The following ADAMTS20 variants were observed in gnomAD, a reference collection of about 807,000 sequenced individuals.
ADAMTS20 encodes the protein A disintegrin and metalloproteinase with thrombospondin motifs 20.
ADAMTS20 carries 225 observed loss-of-function variants against 260.1 expected under a neutral mutation model. That is an observed-to-expected ratio of 0.87 (90% confidence interval 0.78 to 0.97). ADAMTS20 has a LOEUF of 0.97. Among genes scored for constraint, ADAMTS20 ranks in the 50% least tolerant of loss-of-function variants. ADAMTS20 has a pLI of 0.00. For missense variants in ADAMTS20, 2,400 were observed against 2,337.7 expected (o/e 1.03, Z -0.55); for synonymous variants, 802 against 769.5 (o/e 1.04, Z -0.70).
intron 3 of ADAMTS20, among the ~76,000 whole-genome samples, chr12:43,502,707 C>G (rs1161451315): frequency 6.6e-6 from 1 of 151,864 alleles, no homozygotes; most frequent in African/African-American, 2.4e-5. Flanking sequence ...TATTAACTAC[C>G]AAGTAGAAAA....
At chr12:43,532,461 A>C (rs548612265) in intron 2 of ADAMTS20, among the ~76,000 whole-genome samples, 2 of 152,282 alleles carry the variant, frequency 1.3e-5, no homozygotes, top group East Asian at 3.9e-4. Context: ...GCATAGATAA[A>C]AGCATCAAAA....
At chr12:43,440,388 A>T (rs1035251534) in intron 16 of ADAMTS20, among the ~76,000 whole-genome samples, 2 of 152,150 alleles carry the variant, frequency 1.3e-5, no homozygotes, top group South Asian at 4.1e-4. Context: ...ACCTCAGGCA[A>T]TCTGCCCGCT....
At position 43,514,981 on chromosome 12, in the gene ADAMTS20, T is replaced by G. The variant is rs1385285850; in HGVS notation, c.614-12576A>C. 3.3e-5 allele frequency among the ~76,000 whole-genome samples: 5 copies of G among 152,330 alleles called. No individual in the cohort carries two copies. The East Asian group carries it at 9.6e-4, about 29-fold the overall frequency. On this transcript the variant is annotated intron_variant, in intron 3 of 38. Transcript: ENST00000389420. ...AATACATGATTCTACTACATTAATC[T>G]TATCTTCCTATTTTCAGATGAGCCT...
intron 4 of ADAMTS20, among the ~76,000 whole-genome samples, chr12:43,497,492 A>C (rs914787466): frequency 2.0e-5 from 3 of 152,200 alleles, no homozygotes; most frequent in Non-Finnish European, 2.9e-5. Context: ...ACTTCTTTGG[A>C]AAGATCTTTT....
chr12:43,516,246 T>C (rs1246598728), intron 3 of ADAMTS20, among the ~76,000 whole-genome samples: 1 of 151,514 alleles, frequency 6.6e-6, no homozygotes, highest in African/African-American at 2.4e-5. Context: ...ATCCTCCTTT[T>C]GCAGTTTTCC....
At chr12:43,445,410 T>C (rs1252839260) in intron 15 of ADAMTS20, among the ~76,000 whole-genome samples, 1 of 152,140 alleles carries the variant, frequency 6.6e-6, no homozygotes, top group African/African-American at 2.4e-5. Flanking sequence ...TAACCGAGAT[T>C]TGTAAATATC....
chr12:43,446,797 T>C, intron 14 of ADAMTS20, 85 bp from the exon 15 acceptor site: 3 of 1,116,694 alleles, frequency 2.7e-6, no homozygotes, highest in Non-Finnish European at 4.0e-6. Context: ...CAATCAGATA[T>C]GACAAAGGGG....
chr12:43,361,185 C>A (rs1939859655), intron 37 of ADAMTS20, among the ~76,000 whole-genome samples: 1 of 152,168 alleles, frequency 6.6e-6, no homozygotes, highest in African/African-American at 2.4e-5. Flanking sequence ...CTGTCACATG[C>A]AAACACAGAG....
intron 29 of ADAMTS20, among the ~76,000 whole-genome samples, chr12:43,392,200 C>T (rs1940610208): frequency 6.6e-6 from 1 of 152,006 alleles, no homozygotes; most frequent in Admixed American, 6.6e-5. Context: ...AAATGAATCT[C>T]TTATGAAAAT....
Position 43,431,434 on chromosome 12 carries a change from A to G in ADAMTS20, c.3159T>C (p.Asp1053=). The change falls in exon 22 of 39, where the codon GAT becomes GAC. Residue 1053 remains aspartate (D), a synonymous_variant. Coordinates refer to ENST00000389420, the MANE Select transcript of ADAMTS20 (RefSeq NM_025003.5). ...QRQVWCQLNV[D]HLSDGFCNSS... ...AATTACAGAAGCCATCACTCAAGTG[A>G]TCTACATTCAGCTGACACCATACCT... 3 of 1,613,980 alleles carry G rather than the reference A, an allele frequency of 1.9e-6. 1 individual carries two copies. In the South Asian group the frequency reaches 3.3e-5, roughly 18 times the overall value.
chr12:43,506,146 C>T (rs1449819627), intron 3 of ADAMTS20, among the ~76,000 whole-genome samples: 14 of 128,390 alleles, frequency 1.1e-4, no homozygotes, highest in Admixed American at 9.2e-4. Context: ...AAAACAACAA[C>T]AACAACAACA....
chr12:43,483,677 G>T (rs1411376060), intron 7 of ADAMTS20, among the ~76,000 whole-genome samples: 1 of 152,092 alleles, frequency 6.6e-6, no homozygotes, highest in African/African-American at 2.4e-5. Flanking sequence ...GTGGTGGATC[G>T]CTTTCCTGCT....
At position 43,356,515 on chromosome 12, in the gene ADAMTS20, C is replaced by T. The variant is rs1939746991; in HGVS notation, c.5612G>A (p.Ser1871Asn). The T allele has an allele frequency of 6.2e-7, 1 of 1,610,304 alleles. No homozygotes were observed. The highest frequency in any genetic ancestry group is 8.5e-7 in the Non-Finnish European group (1 of 1,178,200). The part of the protein sequence containing the change: ...SSTAKWLTQG[S>N]YTSVSIRRSE... ...TCTTCGTATGCTGACAGAGGTATAA[C>T]TCCCCTGAGTGAGCCACTTTGCTGT... Residue 1871 changes from serine (S) to asparagine (N), a missense_variant, in exon 38 of 39, where the codon AGT becomes AAT. By Grantham distance (46) the Ser-to-Asn change is conservative (BLOSUM62 1). Transcript: ENST00000389420.
At chr12:43,390,234 T>C (rs1403360539) in intron 29 of ADAMTS20, among the ~76,000 whole-genome samples, 2 of 152,210 alleles carry the variant, frequency 1.3e-5, no homozygotes, top group African/African-American at 4.8e-5. Context: ...TTAGACAATA[T>C]ATTATGGCAT....
At chr12:43,391,088 G>C (rs1047818829) in intron 29 of ADAMTS20, among the ~76,000 whole-genome samples, 2 of 152,192 alleles carry the variant, frequency 1.3e-5, no homozygotes, top group African/African-American at 2.4e-5. Flanking sequence ...AGATCAAGGT[G>C]CTGGCGGTGT....
At chr12:43,507,894 C>T (rs753045670) in intron 3 of ADAMTS20, among the ~76,000 whole-genome samples, 3 of 152,056 alleles carry the variant, frequency 2.0e-5, no homozygotes, top group Non-Finnish European at 4.4e-5. Flanking sequence ...GAATGGAAAA[C>T]CAAATACTGC....
intron 11 of ADAMTS20, among the ~76,000 whole-genome samples, chr12:43,460,838 A>G (rs187113654): frequency 2.6e-5 from 4 of 151,256 alleles, no homozygotes; most frequent in Non-Finnish European, 2.9e-5. Flanking sequence ...CACTCCTTCA[A>G]AAAAGATGAC....
At chr12:43,474,162 C>T (rs904683497) in intron 7 of ADAMTS20, among the ~76,000 whole-genome samples, 1 of 147,506 alleles carries the variant, frequency 6.8e-6, no homozygotes, top group African/African-American at 2.5e-5. Context: ...GGGATATCAC[C>T]ACTGATCCCA....
At chr12:43,487,860 T>C (rs1291794096) in intron 7 of ADAMTS20, among the ~76,000 whole-genome samples, 30 of 152,112 alleles carry the variant, frequency 2.0e-4, no homozygotes, top group Non-Finnish European at 1.5e-5. Flanking sequence ...AACTGATGCA[T>C]GGATAAATAG....
Sources: allele counts gnomAD v4.1 joint callset (sites outside exome capture counted in the v4.1 genomes callset), GRCh38; gene constraint gnomAD v4.1.1; transcripts MANE v1.5; gene names NCBI Gene and HGNC (gene_info 2026-07-23, HGNC 2026-07-21).